The following ARHGAP6 variants were observed in gnomAD, a reference collection of about 807,000 sequenced individuals.
ARHGAP6 encodes Rho GTPase activating protein 6.
Under a neutral mutation model 55.7 loss-of-function variants are expected in ARHGAP6, and 16 were observed. The observed-to-expected ratio is 0.29, with a 90% CI of 0.19 to 0.44. The LOEUF is 0.44. Ranked by LOEUF, ARHGAP6 falls within the 20% of genes least tolerant of loss-of-function variation. The pLI is 1.00. For synonymous variants in ARHGAP6, 382 were observed against 360.9 expected (o/e 1.06, Z -0.66); for missense variants, 698 against 808.9 (o/e 0.86, Z 1.66).
rs142122694 is a variant in ARHGAP6, at chrX:11,156,350, T to C, written c.1907+179A>G. Among the ~76,000 whole-genome samples, 326 of 112,429 alleles carry C rather than the reference T, an allele frequency of 2.9e-3. 3 individuals carry two copies. Among genetic ancestry groups the C allele is most frequent in the African/African-American group, 0.01 (313 of 31,011 alleles). ...GTAATGTGGTTTCTAATTTGGTAAG[T>C]GGATTGATGGGACCCGAAGCATTTT... On this transcript the variant is annotated intron_variant, in intron 10 of 12. Transcript: ENST00000337414.
intron 1 of ARHGAP6, among the ~76,000 whole-genome samples, chrX:11,630,447 T>G (rs1381488218): frequency 8.9e-6 from 1 of 112,016 alleles, no homozygotes; most frequent in East Asian, 2.8e-4. Context: ...TATAAATCTG[T>G]GGACAAATAA....
At chrX:11,562,112 G>T (rs1280599584) in intron 1 of ARHGAP6, among the ~76,000 whole-genome samples, 6 of 112,109 alleles carry the variant, frequency 5.4e-5, no homozygotes, top group African/African-American at 1.9e-4. Context: ...GAAAGCAAAA[G>T]CGACAGGGGT....
intron 1 of ARHGAP6, among the ~76,000 whole-genome samples, chrX:11,522,236 G>T (rs1168697654): frequency 4.5e-5 from 5 of 111,218 alleles, no homozygotes; most frequent in Non-Finnish European, 9.4e-5. Flanking sequence ...ATTTAAAGCA[G>T]TGTGTAGAGG....
intron 1 of ARHGAP6, among the ~76,000 whole-genome samples, chrX:11,512,646 C>T (rs2050796411): frequency 9.0e-6 from 1 of 110,966 alleles, no homozygotes; most frequent in African/African-American, 3.3e-5. Context: ...CTCATAGATC[C>T]TTGCCACACC....
intron 1 of ARHGAP6, among the ~76,000 whole-genome samples, chrX:11,603,487 G>A (rs952934148): frequency 4.5e-5 from 5 of 111,856 alleles, no homozygotes; most frequent in Non-Finnish European, 9.4e-5. Context: ...TGTATGTGCA[G>A]TGTTTACAGA....
At chrX:11,185,732 T>C in intron 5 of ARHGAP6, among the ~76,000 whole-genome samples, 2 of 112,259 alleles carry the variant, frequency 1.8e-5, no homozygotes, top group South Asian at 7.4e-4. Flanking sequence ...AAATTTTAAG[T>C]GGACAGCTTC....
rs188352837 is a variant in ARHGAP6, at chrX:11,622,562, G to A, written c.588+41679C>T. The stretch of plus-strand genomic sequence containing the variant: ...AAGGGTCTAGAACCATAAAAAATGG[G>A]GAGAACTATTGTAACCTGGACCCTG... On this transcript the variant is annotated intron_variant, in intron 1 of 12. Transcript: ENST00000337414. 2.7e-3 allele frequency among the ~76,000 whole-genome samples: 301 copies of A among 111,375 alleles called. 2 individuals are homozygous for A. Among genetic ancestry groups the A allele is most frequent in the African/African-American group, 9.5e-3 (291 of 30,695 alleles).
At chrX:11,574,144 G>C (rs1320326596) in intron 1 of ARHGAP6, among the ~76,000 whole-genome samples, 3 of 110,887 alleles carry the variant, frequency 2.7e-5, no homozygotes, top group African/African-American at 9.9e-5. Context: ...TCTACCAGAG[G>C]TACAAGGAGG....
chrX:11,454,177 G>C (rs2050173960), intron 1 of ARHGAP6, among the ~76,000 whole-genome samples: 1 of 101,132 alleles, frequency 9.9e-6, no homozygotes, highest in African/African-American at 3.7e-5. Context: ...AGCCGGGATG[G>C]TCTCGATCTC....
In ARHGAP6 at chrX:11,502,373, T is replaced by C. The variant is rs112069653; in HGVS notation, c.588+161868A>G. ...AAGGAGGCCTGAGAAGTTTCTGGAGTTCTATTTCTCATGATGCTTTATTTC... is the reference window on the plus strand; with the variant it reads ...AAGGAGGCCTGAGAAGTTTCTGGAGCTCTATTTCTCATGATGCTTTATTTC... On this transcript the variant is annotated intron_variant, in intron 1 of 12. Transcript: ENST00000337414. Among the ~76,000 whole-genome samples the C allele has an allele frequency of 6.5e-3, 727 of 111,956 alleles. 7 individuals carry two copies. The highest frequency in any genetic ancestry group is 0.022 in the African/African-American group (691 of 30,844).
At chrX:11,202,021 G>GTGTGTGTGTGT (rs2046632765) in intron 2 of ARHGAP6, among the ~76,000 whole-genome samples, 1 of 103,908 alleles carries the variant, frequency 9.6e-6, no homozygotes, top group African/African-American at 3.5e-5. Context: ...GTGTGTGTGT[G>GTGTGTGTGTGT]TGTGTGTGTG....
intron 1 of ARHGAP6, among the ~76,000 whole-genome samples, chrX:11,473,385 T>C (rs1270245802): frequency 1.8e-5 from 2 of 111,962 alleles, no homozygotes; most frequent in Non-Finnish European, 3.8e-5. Flanking sequence ...TGTGACCTTA[T>C]TTAGAAATGG....
chrX:11,298,855 C>T (rs1407097203), intron 1 of ARHGAP6: 1 of 1,208,857 alleles, frequency 8.3e-7, no homozygotes, highest in Non-Finnish European at 1.1e-6. Flanking sequence ...CCCATGCAGC[C>T]CCTGCCGCCA....
chrX:11,570,733 A>G (rs2051504546), intron 1 of ARHGAP6, among the ~76,000 whole-genome samples: 1 of 111,791 alleles, frequency 8.9e-6, no homozygotes, highest in Non-Finnish European at 1.9e-5. Context: ...TTTGGTGCAT[A>G]ATTTTTAAAC....
chrX:11,249,536 G>A (rs1030433795), intron 2 of ARHGAP6, among the ~76,000 whole-genome samples: 2 of 111,085 alleles, frequency 1.8e-5, no homozygotes, highest in African/African-American at 6.5e-5. Flanking sequence ...CCCACGAAGT[G>A]TATCATCCAA....
At chrX:11,544,564 T>G (rs1268492166) in intron 1 of ARHGAP6, among the ~76,000 whole-genome samples, 1 of 112,291 alleles carries the variant, frequency 8.9e-6, no homozygotes, top group Non-Finnish European at 1.9e-5. Context: ...CAAGTCACTT[T>G]TTAGGTCTTC....
At chrX:11,340,458 A>C (rs1328463454) in intron 1 of ARHGAP6, among the ~76,000 whole-genome samples, 3 of 112,058 alleles carry the variant, frequency 2.7e-5, no homozygotes, top group Middle Eastern at 4.6e-3. Flanking sequence ...GGCCGGGTGC[A>C]GTGGCTCGCG....
intron 1 of ARHGAP6, among the ~76,000 whole-genome samples, chrX:11,408,202 C>G (rs981167807): frequency 9.0e-6 from 1 of 111,060 alleles, no homozygotes; most frequent in African/African-American, 3.3e-5. Flanking sequence ...GTTAGTCTGT[C>G]AAGCAGAGTT....
chrX:11,451,634 G>T (rs925890500), intron 1 of ARHGAP6, among the ~76,000 whole-genome samples: 12 of 111,795 alleles, frequency 1.1e-4, no homozygotes, highest in Non-Finnish European at 1.7e-4. Context: ...TGCTTTTGCT[G>T]CTCACTCTGT....
Sources: gnomAD v4.1 joint callset for allele counts (sites outside exome capture counted in the v4.1 genomes callset) on GRCh38, gnomAD v4.1.1 for gene constraint, MANE v1.5 for transcripts, NCBI Gene and HGNC (gene_info 2026-07-23, HGNC 2026-07-21) for gene names.